Variants in SLC24A2 observed in about 807,000 individuals in gnomAD.
SLC24A2 encodes the protein solute carrier family 24 member 2, also known as sodium/potassium/calcium exchanger 2.
SLC24A2 carries 36 observed loss-of-function variants against 62.0 expected under a neutral mutation model. That is an observed-to-expected ratio of 0.58 (90% CI 0.44 to 0.77). The LOEUF (loss-of-function observed/expected upper bound fraction) is 0.77. Among genes scored for constraint, SLC24A2 ranks in the 30% least tolerant of loss-of-function variants. The pLI is 0.00. For synonymous variants in SLC24A2, 358 were observed against 294.0 expected, an observed-to-expected ratio of 1.22 and a Z score of -2.23; for missense variants, 846 against 817.9, an observed-to-expected ratio of 1.03 and a Z score of -0.42.
chr9:19,896,649 A>C, the SLC24A2 span, among the ~76,000 whole-genome samples: 4 of 152,218 alleles, frequency 2.6e-5, no homozygotes, highest in Non-Finnish European at 5.9e-5. Context: ...CAAAGGTACT[A>C]CATGGTAGAG....
At chr9:19,531,037 T>C (rs1833683740) in intron 8 of SLC24A2, among the ~76,000 whole-genome samples, 1 of 152,152 alleles carries the variant, frequency 6.6e-6, no homozygotes, top group Admixed American at 6.5e-5. Flanking sequence ...GGCTCTGCTC[T>C]GAATGTCAGA....
intron 2 of SLC24A2, among the ~76,000 whole-genome samples, chr9:19,736,289 C>G (rs1339451451): frequency 1.3e-5 from 2 of 151,914 alleles, no homozygotes; most frequent in African/African-American, 2.4e-5. Context: ...TAAGAGAAAA[C>G]AGATGATGGA....
At chr9:19,536,599 CATT>C (rs1254672609) in intron 8 of SLC24A2, among the ~76,000 whole-genome samples, 1 of 72,922 alleles carries the variant, frequency 1.4e-5, no homozygotes, top group Non-Finnish European at 2.6e-5. Context: ...TCCAGTCTAT[CATT>C]GTTGGACATT....
At chr9:20,005,050 G>A in the SLC24A2 span, among the ~76,000 whole-genome samples, 3 of 152,070 alleles carry the variant, frequency 2.0e-5, no homozygotes, top group Non-Finnish European at 4.4e-5. Context: ...GGTTGTCAGC[G>A]AAATAGTTAT....
the SLC24A2 span, among the ~76,000 whole-genome samples, chr9:19,855,097 A>G: frequency 1.3e-5 from 2 of 152,082 alleles, no homozygotes; most frequent in African/African-American, 4.8e-5. Flanking sequence ...TTTTGTCAGA[A>G]ACTAAGATCA....
the SLC24A2 span, among the ~76,000 whole-genome samples, chr9:20,005,506 T>C: frequency 6.6e-6 from 1 of 152,156 alleles, no homozygotes; most frequent in Non-Finnish European, 1.5e-5. Flanking sequence ...TTAAGTATCT[T>C]GCTTAAGATC....
the SLC24A2 span, among the ~76,000 whole-genome samples, chr9:19,896,651 A>G: frequency 2.0e-5 from 3 of 152,332 alleles, no homozygotes; most frequent in East Asian, 5.8e-4. Context: ...AAGGTACTAC[A>G]TGGTAGAGTC....
the SLC24A2 span, among the ~76,000 whole-genome samples, chr9:19,826,700 C>T: frequency 6.6e-6 from 1 of 152,206 alleles, no homozygotes; most frequent in African/African-American, 2.4e-5. Context: ...AGGCATTAAT[C>T]TCATCCATAA....
chr9:20,005,423 A>T, the SLC24A2 span, among the ~76,000 whole-genome samples: 4 of 152,180 alleles, frequency 2.6e-5, no homozygotes, highest in Non-Finnish European at 5.9e-5. Flanking sequence ...TAGCTTGTTT[A>T]ATCTTCACAG....
At chr9:19,974,007 T>G in the SLC24A2 span, among the ~76,000 whole-genome samples, 1 of 152,192 alleles carries the variant, frequency 6.6e-6, no homozygotes, top group East Asian at 1.9e-4. Context: ...TCTATTCACA[T>G]TTATAGATTA....
At chr9:20,066,896 T>C in the SLC24A2 span, among the ~76,000 whole-genome samples, 1 of 152,190 alleles carries the variant, frequency 6.6e-6, no homozygotes, top group African/African-American at 2.4e-5. Context: ...CAAAGGCTAA[T>C]TGTTTGGAGT....
chr9:19,790,422 T>A (rs578132625), upstream of SLC24A2, among the ~76,000 whole-genome samples: 4 of 150,474 alleles, frequency 2.7e-5, no homozygotes, highest in East Asian at 7.9e-4. Context: ...ATTTTATCTG[T>A]AAATATTTTC....
the SLC24A2 span, among the ~76,000 whole-genome samples, chr9:19,846,599 T>C: frequency 3.9e-5 from 6 of 152,330 alleles, no homozygotes; most frequent in African/African-American, 1.4e-4. Context: ...TCAAAGTTAA[T>C]ATCGATATGT....
chr9:20,226,726 T>C, the SLC24A2 span, among the ~76,000 whole-genome samples: 1 of 152,124 alleles, frequency 6.6e-6, no homozygotes, highest in Non-Finnish European at 1.5e-5. Flanking sequence ...GGCACATTCT[T>C]CCATCTGTCT....
chr9:19,827,023 C>T, the SLC24A2 span, among the ~76,000 whole-genome samples: 8 of 152,120 alleles, frequency 5.3e-5, no homozygotes, highest in African/African-American at 1.9e-4. Context: ...GAGTTCTTTG[C>T]CAGGTAGGAC....
intron 2 of SLC24A2, among the ~76,000 whole-genome samples, chr9:19,765,904 C>T (rs1238073686): frequency 6.6e-6 from 1 of 152,200 alleles, no homozygotes; most frequent in African/African-American, 2.4e-5. Context: ...CCAATTGGTT[C>T]CAATCTCCAT....
chr9:19,893,868 G>T, the SLC24A2 span, among the ~76,000 whole-genome samples: 18 of 152,158 alleles, frequency 1.2e-4, no homozygotes, highest in Non-Finnish European at 2.1e-4. Context: ...CCACACAGGG[G>T]TTCTGTCTGA....
At chr9:19,898,925 T>C in the SLC24A2 span, among the ~76,000 whole-genome samples, 1 of 152,106 alleles carries the variant, frequency 6.6e-6, no homozygotes. Flanking sequence ...ATCAGCCTGG[T>C]GAGCATATGA....
chr9:19,534,810 A>T (rs975725178), intron 8 of SLC24A2, among the ~76,000 whole-genome samples: 2 of 152,216 alleles, frequency 1.3e-5, no homozygotes, highest in African/African-American at 4.8e-5. Context: ...ATAGTGCCAC[A>T]ATAAACATAT....
Sources: allele counts gnomAD v4.1 joint callset (sites outside exome capture counted in the v4.1 genomes callset), GRCh38; gene constraint gnomAD v4.1.1; transcripts MANE v1.5; gene names NCBI Gene and HGNC (gene_info 2026-07-23, HGNC 2026-07-21).